The following RPH3AL variants were observed in gnomAD, a reference collection of about 807,000 sequenced individuals.
The protein encoded by RPH3AL is rab effector Noc2.
In RPH3AL, 38 loss-of-function variants were observed where a neutral mutation model predicts 43.1. The ratio of observed to expected loss-of-function variants is 0.88; its 90% CI spans 0.68 to 1.15. The LOEUF is 1.15. Ranked by LOEUF, RPH3AL falls within the 50% of genes most tolerant of loss-of-function variation. The pLI, the probability that RPH3AL is intolerant of heterozygous loss-of-function variation, is 0.00. For missense variants in RPH3AL, 462 were observed against 423.2 expected, an observed-to-expected ratio of 1.09 and a Z score of -0.81; for synonymous variants, 189 against 176.3, an observed-to-expected ratio of 1.07 and a Z score of -0.57.
At chr17:243,264 A>G (rs1363341776) in intron 7 of RPH3AL, among the ~76,000 whole-genome samples, 1 of 127,650 alleles carries the variant, frequency 7.8e-6, no homozygotes, top group Non-Finnish European at 1.6e-5. Flanking sequence ...TCTATTGATT[A>G]CCCTTCCTCT....
chr17:214,071 G>A lies in RPH3AL; in HGVS notation c.877-148C>T, dbSNP rs534152296. On this transcript the variant is annotated intron_variant, in intron 9 of 9. Coordinates refer to ENST00000331302, the MANE Select transcript of RPH3AL (RefSeq NM_006987.4). ...AGCATCCGTGCCTCAGCCCGAGCTC[G>A]AGACCAGCACCGCTCTGCTCTGCTG... 358 of 641,798 alleles carry A rather than the reference G, an allele frequency of 5.6e-4. 1 individual carries two copies. The highest frequency in any genetic ancestry group is 3.0e-3 in the African/African-American group (165 of 54,714). The allele number at this position is 641,798 out of a possible 1,614,324, so 39.8% of individuals were successfully genotyped here. A position where few individuals can be genotyped will look rare whatever the true frequency, so the allele number is the denominator to read the frequency against.
intron 5 of RPH3AL, among the ~76,000 whole-genome samples, chr17:311,943 G>A (rs1394388037): frequency 1.3e-5 from 2 of 152,146 alleles, no homozygotes; most frequent in African/African-American, 4.8e-5. Flanking sequence ...AGGTCTTTAG[G>A]AGGTAATTAA....
At chr17:263,455 G>A (rs1246395581) in intron 6 of RPH3AL, among the ~76,000 whole-genome samples, 1 of 152,202 alleles carries the variant, frequency 6.6e-6, no homozygotes, top group Non-Finnish European at 1.5e-5. Flanking sequence ...GGACGAACAG[G>A]CAGCAGCGGG....
At chr17:324,483 G>A (rs985609153) in intron 3 of RPH3AL, among the ~76,000 whole-genome samples, 1 of 152,152 alleles carries the variant, frequency 6.6e-6, no homozygotes, top group Non-Finnish European at 1.5e-5. Flanking sequence ...GAACCTGCAC[G>A]TCTGGGAGCC....
intron 5 of RPH3AL, among the ~76,000 whole-genome samples, chr17:315,349 A>ACCCCAC (rs1555519815): frequency 1.8e-4 from 3 of 16,268 alleles, no homozygotes; most frequent in African/African-American, 2.6e-4. Flanking sequence ...AGTCCCTGTG[A>ACCCCAC]CTCCACTTCC....
chr17:324,707 G>GCTAGCTATCTATCTATCTATCTATC (rs1567524419), intron 3 of RPH3AL, among the ~76,000 whole-genome samples: 2 of 130,508 alleles, frequency 1.5e-5, no homozygotes, highest in African/African-American at 6.2e-5. Flanking sequence ...AGCTAGCTAT[G>GCTAGCTATCTATCTATCTATCTATC]TACCTATCTA....
chr17:214,563 C>G (rs533185917), intron 9 of RPH3AL: 2 of 152,472 alleles, frequency 1.3e-5, no homozygotes, highest in Non-Finnish European at 2.9e-5. Context: ...CCCAGGAGTT[C>G]GAGACCAGCC....
intron 2 of RPH3AL, chr17:331,894 T>G: frequency 7.8e-7 from 1 of 1,286,472 alleles, no homozygotes; most frequent in Non-Finnish European, 1.0e-6. Flanking sequence ...GGACAAAAAT[T>G]AAACTGATGA....
rs76489252 is a variant in RPH3AL at position 232,277 on chromosome 17, C to A, written c.614-12541G>T. Among the ~76,000 whole-genome samples, 125 of 152,304 alleles carry A rather than the reference C, an allele frequency of 8.2e-4. 3 individuals are homozygous for A. The East Asian group carries it at 0.019, about 23-fold the overall frequency. ...TTTCCTATTCTGTAAAATGGGACAA[C>A]AGTAGCGGCCCCGTCACAGGTTGTT... On this transcript the variant is annotated intron_variant, in intron 7 of 9. Transcript: ENST00000331302.
chr17:315,819 G>T (rs1555520553), intron 5 of RPH3AL, among the ~76,000 whole-genome samples: 9 of 144,398 alleles, frequency 6.2e-5, no homozygotes, highest in Non-Finnish European at 1.1e-4. Context: ...CACCTCCATT[G>T]ACCTGTAGTC....
At chr17:261,205 G>C (rs1424142159) in intron 6 of RPH3AL, among the ~76,000 whole-genome samples, 1 of 152,236 alleles carries the variant, frequency 6.6e-6, no homozygotes, top group Non-Finnish European at 1.5e-5. Flanking sequence ...GGGCTGAACT[G>C]TGTCCTCCAA....
chr17:301,467 C>A (rs1284479278), intron 5 of RPH3AL, among the ~76,000 whole-genome samples: 4 of 152,128 alleles, frequency 2.6e-5, no homozygotes, highest in African/African-American at 9.7e-5. Flanking sequence ...CCGTGCCTGG[C>A]TAATTTTTGT....
intron 7 of RPH3AL, among the ~76,000 whole-genome samples, chr17:227,654 C>T (rs2041136962): frequency 6.6e-6 from 1 of 152,138 alleles, no homozygotes; most frequent in Admixed American, 6.5e-5. Context: ...GTGCCTCTCC[C>T]TGGTCGGGGT....
chr17:308,467 C>A (rs960084115), intron 5 of RPH3AL, among the ~76,000 whole-genome samples: 11 of 152,218 alleles, frequency 7.2e-5, no homozygotes, highest in African/African-American at 2.4e-4. Context: ...CCAAGAGAAT[C>A]GAAGGCAGGG....
At chr17:321,530 G>A (rs763980508) in intron 3 of RPH3AL, 115 bp from the exon 4 acceptor site, 348 of 1,244,100 alleles carry the variant, frequency 2.8e-4, no homozygotes, top group Admixed American at 9.8e-4. Context: ...CAGGTGCCGC[G>A]TGCCGGGACG....
At chr17:270,434 G>T (rs983956614) in intron 6 of RPH3AL, among the ~76,000 whole-genome samples, 2 of 152,174 alleles carry the variant, frequency 1.3e-5, no homozygotes, top group Non-Finnish European at 2.9e-5. Flanking sequence ...CGGAGTTTGG[G>T]AGCCCCCGAT....
At chr17:310,667 C>T (rs2043622632) in intron 5 of RPH3AL, among the ~76,000 whole-genome samples, 1 of 152,222 alleles carries the variant, frequency 6.6e-6, no homozygotes, top group South Asian at 2.1e-4. Context: ...GGGCTGCCGC[C>T]TTAACCCCAT....
intron 6 of RPH3AL, among the ~76,000 whole-genome samples, chr17:268,763 C>T (rs2042384684): frequency 6.6e-6 from 1 of 151,902 alleles, no homozygotes; most frequent in Non-Finnish European, 1.5e-5. Flanking sequence ...CAGGTTTCGC[C>T]ATGTTACCCA....
intron 6 of RPH3AL, among the ~76,000 whole-genome samples, chr17:253,486 T>G (rs1403242868): frequency 2.6e-5 from 4 of 152,280 alleles, no homozygotes; most frequent in East Asian, 1.9e-4. Flanking sequence ...GGCCTCCGGG[T>G]ATGCGCAATC....
Sources: allele counts gnomAD v4.1 joint callset (sites outside exome capture counted in the v4.1 genomes callset), GRCh38; gene constraint gnomAD v4.1.1; transcripts MANE v1.5; gene names NCBI Gene and HGNC (gene_info 2026-07-23, HGNC 2026-07-21).